The following MICAL3 variants were observed in gnomAD, a reference collection of about 807,000 sequenced individuals.
MICAL3 encodes the protein microtubule associated monooxygenase, calponin and LIM domain containing 3.
Under a neutral mutation model 207.4 loss-of-function variants are expected in MICAL3, and 62 were observed. The ratio of observed to expected loss-of-function variants is 0.30; its 90% CI spans 0.24 to 0.37. MICAL3 has a LOEUF of 0.37. Among genes scored for constraint, MICAL3 ranks in the 10% least tolerant of loss-of-function variants. The pLI is 1.00. For missense variants in MICAL3, 2,368 were observed against 2,635.6 expected, an observed-to-expected ratio of 0.90 and a Z score of 2.22; for synonymous variants, 1,077 against 1,069.3, an observed-to-expected ratio of 1.01 and a Z score of -0.14.
Position 17,818,639 on chromosome 22 carries a change from G to A in MICAL3, c.4022C>T (p.Thr1341Ile). ...GGGCCCCTTGCTGCGGTCCACAGGT[G>A]TGAGCCCGAGGCTGCGGCGGATCTC... Reference protein sequence around the residue: ...SAEIRRSLGLTPVDRSKGPEP... With the variant: ...SAEIRRSLGLIPVDRSKGPEP... Residue 1341 changes from threonine (T) to isoleucine (I), a missense_variant, in exon 26 of 32, where the codon ACA (threonine) becomes ATA (isoleucine). Thr to Ile is a moderately conservative substitution (Grantham distance 89, BLOSUM62 -1). Coordinates refer to ENST00000441493, the MANE Select transcript of MICAL3 (RefSeq NM_015241.3). The A allele has an allele frequency of 6.2e-7, 1 of 1,613,646 alleles. No individual in the cohort carries two copies. The highest frequency in any genetic ancestry group is 8.5e-7 in the Non-Finnish European group (1 of 1,179,900).
chr22:17,837,840 T>C (rs569242257), intron 20 of MICAL3, among the ~76,000 whole-genome samples: 1 of 152,324 alleles, frequency 6.6e-6, no homozygotes, highest in African/African-American at 2.4e-5. Flanking sequence ...AGGGTGCGCC[T>C]AGAAGTTACA....
At chr22:17,978,770 C>T (rs556773442) in intron 1 of MICAL3, among the ~76,000 whole-genome samples, 15 of 151,900 alleles carry the variant, frequency 9.9e-5, no homozygotes, top group South Asian at 6.2e-4. Context: ...CTGCCCGCCT[C>T]GGCCTCCCAA....
rs552152672 is a variant in MICAL3 at position 17,833,264 on chromosome 22, T to C, written c.2802-1157A>G. Among the ~76,000 whole-genome samples, 84 of 152,272 alleles carry C rather than the reference T, an allele frequency of 5.5e-4. 1 individual carries two copies. Among genetic ancestry groups the C allele is most frequent in the South Asian group, 2.7e-3 (13 of 4,824 alleles). ...ACAAATGGAGATGTTTCTGAGTGTT[T>C]CGTGGTCTGATAATTCCCAAAGCAT... On this transcript the variant is annotated intron_variant, in intron 20 of 31. Coordinates refer to ENST00000441493, the MANE Select transcript of MICAL3 (RefSeq NM_015241.3).
At chr22:17,947,706 TG>T (rs1185050829) in intron 1 of MICAL3, among the ~76,000 whole-genome samples, 1 of 151,986 alleles carries the variant, frequency 6.6e-6, no homozygotes, top group Non-Finnish European at 1.5e-5. Flanking sequence ...CCACAGGCGA[TG>T]GTGTGCACCA....
chr22:17,803,986 G>A (rs894382740), intron 29 of MICAL3: 6 of 286,008 alleles, frequency 2.1e-5, no homozygotes, highest in African/African-American at 4.6e-5. Context: ...CAGACACAGC[G>A]AGGCGGCAGA....
At chr22:17,823,163 T>C (rs1921827302) in intron 22 of MICAL3, 103 bp from the exon 23 acceptor site, 5 of 766,058 alleles carry the variant, frequency 6.5e-6, no homozygotes, top group East Asian at 5.3e-5. Context: ...GGCGCTGCCA[T>C]GCAGGCCCCA....
At chr22:17,959,391 T>C (rs1386829806) in intron 1 of MICAL3, among the ~76,000 whole-genome samples, 3 of 150,286 alleles carry the variant, frequency 2.0e-5, no homozygotes, top group African/African-American at 7.5e-5. Flanking sequence ...CTTGGTTCAC[T>C]GCAACCTCTG....
intron 1 of MICAL3, among the ~76,000 whole-genome samples, chr22:18,002,123 G>C (rs1032616968): frequency 1.3e-5 from 2 of 151,636 alleles, no homozygotes; most frequent in South Asian, 2.1e-4. Flanking sequence ...ACTTGAACCC[G>C]GGAGGCGGAA....
intron 1 of MICAL3, among the ~76,000 whole-genome samples, chr22:17,959,688 T>G (rs959523094): frequency 1.3e-5 from 2 of 151,968 alleles, no homozygotes; most frequent in Admixed American, 6.6e-5. Flanking sequence ...TGCCTACGTG[T>G]GGAAAATGGT....
intron 15 of MICAL3, 74 bp downstream of exon 15, chr22:17,887,096 G>A: frequency 9.3e-7 from 1 of 1,071,620 alleles, no homozygotes; most frequent in Non-Finnish European, 1.4e-6. Context: ...CAATACCAAT[G>A]TGGAAATGAA....
At chr22:17,837,312 G>A (rs1196235886) in intron 20 of MICAL3, among the ~76,000 whole-genome samples, 2 of 152,258 alleles carry the variant, frequency 1.3e-5, no homozygotes, top group Non-Finnish European at 2.9e-5. Flanking sequence ...TTCTGAAAGA[G>A]CGGCCTTCTC....
At chr22:17,808,802 G>T in intron 29 of MICAL3, 42 bp downstream of exon 29, 2 of 1,503,286 alleles carry the variant, frequency 1.3e-6, no homozygotes, top group Non-Finnish European at 1.8e-6. Context: ...GGGAGGGAGG[G>T]CTTCCTCCAG....
intron 15 of MICAL3, 40 bp downstream of exon 15, chr22:17,887,130 T>G (rs1423673531): frequency 6.5e-7 from 1 of 1,545,280 alleles, no homozygotes; most frequent in South Asian, 1.1e-5. Flanking sequence ...AAGGGGCTAT[T>G]CCACATGACC....
intron 1 of MICAL3, among the ~76,000 whole-genome samples, chr22:17,916,296 C>G (rs1932513201): frequency 6.6e-6 from 1 of 152,060 alleles, no homozygotes; most frequent in Admixed American, 6.6e-5. Context: ...CTGATCCTGT[C>G]CCCGTTCTTA....
chr22:18,005,844 G>C (rs537772227), intron 1 of MICAL3: 57 of 152,278 alleles, frequency 3.7e-4, no homozygotes, highest in African/African-American at 1.3e-3. Flanking sequence ...TGCTCCACCG[G>C]CAGTTTTAAC....
intron 1 of MICAL3, among the ~76,000 whole-genome samples, chr22:18,003,969 C>T (rs1215989958): frequency 1.3e-5 from 2 of 152,168 alleles, no homozygotes; most frequent in Non-Finnish European, 2.9e-5. Context: ...AGGGTTTCGC[C>T]ATGTTGGCCA....
chr22:18,011,504 C>T (rs986633698), intron 1 of MICAL3, among the ~76,000 whole-genome samples: 2 of 151,762 alleles, frequency 1.3e-5, no homozygotes, highest in African/African-American at 4.8e-5. Flanking sequence ...GCCGAGATCA[C>T]TTGCAGTGAG....
chr22:17,909,198 C>T (rs183048154), intron 1 of MICAL3, among the ~76,000 whole-genome samples: 8 of 152,298 alleles, frequency 5.3e-5, no homozygotes, highest in Admixed American at 5.2e-4. Context: ...ATATCACGTA[C>T]TCAACAAACC....
intron 15 of MICAL3, among the ~76,000 whole-genome samples, chr22:17,886,485 G>A (rs910065931): frequency 1.3e-5 from 2 of 152,014 alleles, no homozygotes; most frequent in East Asian, 1.9e-4. Context: ...TGGACAACAC[G>A]GTAAAACCCC....
Sources: gnomAD v4.1 joint callset for allele counts (sites outside exome capture counted in the v4.1 genomes callset) on GRCh38, gnomAD v4.1.1 for gene constraint, MANE v1.5 for transcripts, NCBI Gene and HGNC (gene_info 2026-07-23, HGNC 2026-07-21) for gene names.